Variants in PRR16 observed in about 807,000 individuals in gnomAD.
The protein encoded by PRR16 is proline rich 16.
Under a neutral mutation model 18.2 loss-of-function variants are expected in PRR16, and 6 were observed. The ratio of observed to expected loss-of-function variants is 0.33; its 90% CI spans 0.18 to 0.65. The LOEUF (loss-of-function observed/expected upper bound fraction) is 0.65. Among genes scored for constraint, PRR16 ranks in the 30% least tolerant of loss-of-function variants. The probability of loss-of-function intolerance (pLI) is 0.74; values close to 1 mark genes in which losing one functional copy is unlikely to be tolerated. For missense variants in PRR16, 412 were observed against 376.6 expected, an observed-to-expected ratio of 1.09 and a Z score of -0.78; for synonymous variants, 151 against 147.8, an observed-to-expected ratio of 1.02 and a Z score of -0.16.
At chr5:120,528,718 T>G (rs1043933536) in intron 1 of PRR16, among the ~76,000 whole-genome samples, 2 of 152,110 alleles carry the variant, frequency 1.3e-5, no homozygotes, top group African/African-American at 4.8e-5. Context: ...CTGAGCATGA[T>G]GCAAGACCAT....
chr5:120,481,319 C>G (rs1297492949), intron 1 of PRR16: 2 of 430,800 alleles, frequency 4.6e-6, no homozygotes, highest in Admixed American at 5.0e-5. Context: ...TTAGCAGAGA[C>G]GGGGTTTCAC....
At chr5:120,763,153 AT>A in the PRR16 span, among the ~76,000 whole-genome samples, 31 of 117,990 alleles carry the variant, frequency 2.6e-4, no homozygotes, top group East Asian at 2.5e-3. Flanking sequence ...TTTAATAGCA[AT>A]TTTTTTTTTT....
chr5:120,481,249 G>C (rs1228287010), intron 1 of PRR16: 2 of 499,840 alleles, frequency 4.0e-6, no homozygotes. Context: ...CCAGGTTCAA[G>C]CTATTCTCCT....
At chr5:120,648,865 G>T (rs931223176) in intron 1 of PRR16, among the ~76,000 whole-genome samples, 3 of 152,006 alleles carry the variant, frequency 2.0e-5, no homozygotes, top group African/African-American at 7.2e-5. Context: ...CACTGAATGT[G>T]GAATTGGAAA....
At chr5:120,720,067 G>A in the PRR16 span, among the ~76,000 whole-genome samples, 1 of 151,928 alleles carries the variant, frequency 6.6e-6, no homozygotes, top group Middle Eastern at 3.2e-3. Context: ...TTATTGTATA[G>A]TCTATATTAT....
intron 1 of PRR16, among the ~76,000 whole-genome samples, chr5:120,649,996 G>A (rs1235883664): frequency 2.6e-5 from 4 of 151,938 alleles, no homozygotes; most frequent in Non-Finnish European, 4.4e-5. Flanking sequence ...TAGGTGGGCA[G>A]ATCACGAGGT....
chr5:120,617,738 T>G (rs1457158828), intron 1 of PRR16, among the ~76,000 whole-genome samples: 2 of 152,180 alleles, frequency 1.3e-5, no homozygotes, highest in African/African-American at 4.8e-5. Flanking sequence ...CAATAGTCTT[T>G]TTTTAAAGAT....
At position 120,530,268 on chromosome 5, in the gene PRR16, TA is replaced by T. The variant is rs1751502839; in HGVS notation, c.159+65624del. Among the ~76,000 whole-genome samples the T allele has an allele frequency of 2.4e-5, 3 of 122,660 alleles. 1 individual carries two copies. Among genetic ancestry groups the T allele is most frequent in the African/African-American group, 1.1e-4 (3 of 28,120 alleles). The allele number at this position is 122,660 out of a possible 152,430, so 80.5% of individuals were successfully genotyped here. A position where few individuals can be genotyped will look rare whatever the true frequency, so the allele number is the denominator to read the frequency against. On this transcript the variant is annotated intron_variant, in intron 1 of 1. Transcript: ENST00000407149. ...AAGTGTGTGTAAATATATATATATA[TA>T]TATATATATATATATTTATTTATTT...
chr5:120,629,698 C>T (rs1366056930), intron 1 of PRR16, among the ~76,000 whole-genome samples: 1 of 152,024 alleles, frequency 6.6e-6, no homozygotes, highest in Non-Finnish European at 1.5e-5. Context: ...TCTTAAAATA[C>T]AACCTTTAGT....
chr5:120,693,675 C>CA, the PRR16 span, among the ~76,000 whole-genome samples: 3,335 of 152,242 alleles, frequency 0.022, 136 homozygotes, highest in African/African-American at 0.076. Flanking sequence ...ACTATTTACT[C>CA]AATGTTTTGC....
chr5:120,578,600 G>C (rs1753159260), intron 1 of PRR16, among the ~76,000 whole-genome samples: 2 of 152,156 alleles, frequency 1.3e-5, no homozygotes, highest in South Asian at 4.1e-4. Flanking sequence ...TGGCTACATA[G>C]TATTCCATGA....
At chr5:120,503,620 A>G (rs879283692) in intron 1 of PRR16, among the ~76,000 whole-genome samples, 3 of 152,166 alleles carry the variant, frequency 2.0e-5, no homozygotes, top group Non-Finnish European at 4.4e-5. Flanking sequence ...TTGCATAATA[A>G]TCCAGCTGTT....
chr5:120,791,584 C>CT, the PRR16 span, among the ~76,000 whole-genome samples: 1 of 127,392 alleles, frequency 7.8e-6, no homozygotes, highest in Admixed American at 7.6e-5. Flanking sequence ...GAACTTCTAT[C>CT]ATCTATCTAT....
chr5:120,471,399 T>C (rs927083461), intron 1 of PRR16, among the ~76,000 whole-genome samples: 1 of 152,262 alleles, frequency 6.6e-6, no homozygotes, highest in East Asian at 1.9e-4. Flanking sequence ...TCTCTTTTGT[T>C]GCTATCAAAT....
rs369010723 is a variant in PRR16 at position 120,560,927 on chromosome 5, G to T, written c.159+96282G>T. Among the ~76,000 whole-genome samples, 3 of 152,110 alleles carry T rather than the reference G, an allele frequency of 2.0e-5. No individual in the cohort carries two copies. The East Asian group carries it at 5.8e-4, about 29-fold the overall frequency. Reference sequence around the variant, plus strand: ...GTTTATTGGCATATAGTTGTACATAGTAGCCACTAATGATCCTTTGATTTT... The same window carrying T: ...GTTTATTGGCATATAGTTGTACATATTAGCCACTAATGATCCTTTGATTTT... On this transcript the variant is annotated intron_variant, in intron 1 of 1. Coordinates refer to ENST00000407149, the MANE Select transcript of PRR16 (RefSeq NM_001300783.2).
At chr5:120,587,394 G>A (rs1414328106) in intron 1 of PRR16, among the ~76,000 whole-genome samples, 3 of 152,140 alleles carry the variant, frequency 2.0e-5, no homozygotes, top group African/African-American at 7.2e-5. Flanking sequence ...TTTCATAGCT[G>A]GAGAGAAGTC....
chr5:120,752,787 ATAGT>A, the PRR16 span, among the ~76,000 whole-genome samples: 1 of 151,930 alleles, frequency 6.6e-6, no homozygotes, highest in Non-Finnish European at 1.5e-5. Flanking sequence ...TCATTACGAG[ATAGT>A]TATTTAGCTT....
the PRR16 span, among the ~76,000 whole-genome samples, chr5:120,775,796 ATTTTTTT>A: frequency 3.6e-4 from 29 of 80,610 alleles, no homozygotes; most frequent in South Asian, 1.8e-3. Flanking sequence ...ACGCCTGGCT[ATTTTTTT>A]TTTTTTTTTT....
At chr5:120,493,159 A>T (rs190943509) in intron 1 of PRR16, among the ~76,000 whole-genome samples, 1 of 152,284 alleles carries the variant, frequency 6.6e-6, no homozygotes, top group Admixed American at 6.5e-5. Context: ...GTTAGCACTA[A>T]TTTACATTCC....
Sources: gnomAD v4.1 joint callset for allele counts (sites outside exome capture counted in the v4.1 genomes callset) on GRCh38, gnomAD v4.1.1 for gene constraint, MANE v1.5 for transcripts, NCBI Gene and HGNC (gene_info 2026-07-23, HGNC 2026-07-21) for gene names.